The following PARD3B variants were observed in gnomAD, a reference collection of about 807,000 sequenced individuals.
The protein encoded by PARD3B is partitioning defective 3 homolog B.
In PARD3B, 103 loss-of-function variants were observed where a neutral mutation model predicts 130.2. That is an observed-to-expected ratio of 0.79 (90% CI 0.67 to 0.93). PARD3B has a LOEUF of 0.93. Ranked by LOEUF, PARD3B falls within the 40% of genes least tolerant of loss-of-function variation. PARD3B has a pLI of 0.00. For synonymous variants in PARD3B, 583 were observed against 553.2 expected (o/e 1.05, Z -0.76); for missense variants, 1,609 against 1,499.2 (o/e 1.07, Z -1.21).
chr2:204,634,243 G>A (rs574320331), intron 1 of PARD3B, among the ~76,000 whole-genome samples: 1 of 152,234 alleles, frequency 6.6e-6, no homozygotes, highest in South Asian at 2.1e-4. Context: ...AACATGCGAT[G>A]TTGGTCTTCC....
intron 10 of PARD3B, among the ~76,000 whole-genome samples, chr2:205,149,632 C>T (rs1319854960): frequency 1.3e-5 from 2 of 152,154 alleles, no homozygotes; most frequent in African/African-American, 4.8e-5. Flanking sequence ...CCTATTTTCT[C>T]CACTCAGAGA....
At chr2:204,821,704 TAAAA>T (rs965211843) in intron 2 of PARD3B, among the ~76,000 whole-genome samples, 2 of 150,470 alleles carry the variant, frequency 1.3e-5, no homozygotes, top group Non-Finnish European at 3.0e-5. Flanking sequence ...AATAATAAAA[TAAAA>T]AAAATTAAAA....
chr2:204,883,416 T>A (rs1386914102), intron 2 of PARD3B, among the ~76,000 whole-genome samples: 35 of 114,838 alleles, frequency 3.0e-4, no homozygotes, highest in African/African-American at 1.2e-3. Flanking sequence ...TATATATATA[T>A]AATATATATA....
chr2:205,108,057 G>T (rs1267204889), intron 5 of PARD3B, among the ~76,000 whole-genome samples: 1 of 152,080 alleles, frequency 6.6e-6, no homozygotes, highest in Non-Finnish European at 1.5e-5. Context: ...CCTCTCCTGT[G>T]TCAAGGATAT....
At chr2:204,866,455 A>G (rs915187263) in intron 2 of PARD3B, among the ~76,000 whole-genome samples, 1 of 152,136 alleles carries the variant, frequency 6.6e-6, no homozygotes, top group Non-Finnish European at 1.5e-5. Flanking sequence ...ACATACACAA[A>G]CAAGTATATT....
intron 3 of PARD3B, among the ~76,000 whole-genome samples, chr2:205,037,230 G>C (rs1245995489): frequency 6.8e-6 from 1 of 147,310 alleles, no homozygotes; most frequent in African/African-American, 2.5e-5. Flanking sequence ...TATGTATATA[G>C]TGGACTGTGT....
intron 2 of PARD3B, among the ~76,000 whole-genome samples, chr2:204,710,492 G>C (rs1295875100): frequency 6.6e-6 from 1 of 152,192 alleles, no homozygotes; most frequent in Non-Finnish European, 1.5e-5. Flanking sequence ...GCAGTCATTT[G>C]AAGAAATGTG....
chr2:205,323,949 A>G (rs534191220), intron 18 of PARD3B, among the ~76,000 whole-genome samples: 1 of 152,266 alleles, frequency 6.6e-6, no homozygotes, highest in South Asian at 2.1e-4. Flanking sequence ...AAGACTTTTA[A>G]TGTTTGTATT....
chr2:205,435,389 T>G (rs2047478140), intron 19 of PARD3B, among the ~76,000 whole-genome samples: 1 of 152,086 alleles, frequency 6.6e-6, no homozygotes, highest in Non-Finnish European at 1.5e-5. Flanking sequence ...TAATAGCACT[T>G]TGTGTGTTTT....
chr2:205,610,451 T>A (rs1465971840), intron 22 of PARD3B, among the ~76,000 whole-genome samples: 2 of 152,198 alleles, frequency 1.3e-5, no homozygotes, highest in East Asian at 1.9e-4. Flanking sequence ...ATAAAAATAG[T>A]AGTTAACTGA....
At chr2:205,410,773 A>G (rs1393955146) in intron 19 of PARD3B, among the ~76,000 whole-genome samples, 1 of 152,176 alleles carries the variant, frequency 6.6e-6, no homozygotes, top group Non-Finnish European at 1.5e-5. Flanking sequence ...AACATTTGTT[A>G]TATCCTGCTT....
chr2:205,222,288 A>G (rs987806644), intron 15 of PARD3B, among the ~76,000 whole-genome samples: 1 of 152,176 alleles, frequency 6.6e-6, no homozygotes, highest in Non-Finnish European at 1.5e-5. Flanking sequence ...TGGCAAAGTC[A>G]TTAGCAAAAT....
At chr2:204,848,373 G>C (rs918334538) in intron 2 of PARD3B, among the ~76,000 whole-genome samples, 1 of 152,104 alleles carries the variant, frequency 6.6e-6, no homozygotes. Context: ...ATTATTATCA[G>C]CACATTGAAA....
chr2:205,057,425 ATG>A (rs1699736393), intron 4 of PARD3B, among the ~76,000 whole-genome samples: 2 of 137,452 alleles, frequency 1.5e-5, no homozygotes, highest in Admixed American at 7.5e-5. Flanking sequence ...ACATATATAC[ATG>A]TATATGTGTT....
intron 2 of PARD3B, among the ~76,000 whole-genome samples, chr2:204,720,203 A>T (rs190307443): frequency 6.6e-6 from 1 of 152,312 alleles, no homozygotes; most frequent in East Asian, 1.9e-4. Context: ...AGCAGAAATG[A>T]TCCATATACT....
chr2:205,561,282 C>T (rs935477620), intron 22 of PARD3B, among the ~76,000 whole-genome samples: 5 of 152,128 alleles, frequency 3.3e-5, no homozygotes, highest in Non-Finnish European at 5.9e-5. Flanking sequence ...AAGTCACTGG[C>T]GGTGACATTC....
chr2:204,694,044 T>C (rs973661264), intron 2 of PARD3B, among the ~76,000 whole-genome samples: 14 of 152,014 alleles, frequency 9.2e-5, no homozygotes, highest in East Asian at 3.9e-4. Flanking sequence ...AGTTTTTCCA[T>C]TGGTAAAATG....
chr2:204,935,577 T>C (rs1195658030), intron 2 of PARD3B, among the ~76,000 whole-genome samples: 1 of 151,258 alleles, frequency 6.6e-6, no homozygotes, highest in African/African-American at 2.4e-5. Flanking sequence ...TATATATATT[T>C]ATATAGTACA....
rs1237732710 is a variant in PARD3B, at chr2:204,906,891, G to GAGC, written c.223-58260_223-58259insGCA. On this transcript the variant is annotated intron_variant, in intron 2 of 22. Coordinates refer to ENST00000406610, the MANE Select transcript of PARD3B (RefSeq NM_001302769.2). The surrounding 1 kb of genome is among the most constrained non-coding windows in gnomAD (Gnocchi z 4.3). ...ATGTATGCTATTTGCAGATAATGAAGATTGCTGGGAAATTTTAGCATTTTT... is the reference window on the plus strand; with the variant it reads ...ATGTATGCTATTTGCAGATAATGAAGAGCATTGCTGGGAAATTTTAGCATTTTT... Among the ~76,000 whole-genome samples, 1 of 152,186 alleles carries GAGC rather than the reference G, an allele frequency of 6.6e-6. No homozygotes were observed. Among genetic ancestry groups the GAGC allele is most frequent in the African/African-American group, 2.4e-5 (1 of 41,450 alleles).
Sources: allele counts gnomAD v4.1 joint callset (sites outside exome capture counted in the v4.1 genomes callset), GRCh38; gene constraint gnomAD v4.1.1; non-coding constraint Gnocchi (gnomAD v3.1); transcripts MANE v1.5; gene names NCBI Gene and HGNC (gene_info 2026-07-23, HGNC 2026-07-21).